The following ANK3 variants were observed in gnomAD, a reference collection of about 807,000 sequenced individuals.
The protein encoded by ANK3 is ankyrin-3.
In ANK3, 57 loss-of-function variants were observed where a neutral mutation model predicts 370.9. That is an observed-to-expected ratio of 0.15 (90% CI 0.12 to 0.19). ANK3 has a LOEUF of 0.19. ANK3 is among the 10% of genes least tolerant of loss of function. The pLI is 1.00. For missense variants in ANK3, 4,439 were observed against 5,302.1 expected, an observed-to-expected ratio of 0.84 and a Z score of 5.06; for synonymous variants, 1,929 against 1,946.3, an observed-to-expected ratio of 0.99 and a Z score of 0.23.
intron 25 of ANK3, among the ~76,000 whole-genome samples, chr10:60,121,378 C>CAAAAAAAAAAAAAAAAGAAAAAAAAAAAA (rs2093459829): frequency 7.4e-6 from 1 of 135,520 alleles, no homozygotes; most frequent in African/African-American, 2.8e-5. Flanking sequence ...TAAAATGCAC[C>CAAAAAAAAAAAAAAAAGAAAAAAAAAAAA]AAAAAAAAAA....
chr10:60,184,819 C>T (rs528921420), intron 17 of ANK3, among the ~76,000 whole-genome samples: 2 of 152,258 alleles, frequency 1.3e-5, no homozygotes, highest in East Asian at 1.9e-4. Flanking sequence ...ATCAAACCTA[C>T]TGGAAATATT....
At chr10:60,367,339 C>T (rs2059526081) in intron 1 of ANK3, among the ~76,000 whole-genome samples, 1 of 152,162 alleles carries the variant, frequency 6.6e-6, no homozygotes, top group Non-Finnish European at 1.5e-5. Flanking sequence ...AGTGGGGGAA[C>T]AGTTTGCTAA....
At chr10:60,163,544 C>T (rs899656058) in intron 23 of ANK3, among the ~76,000 whole-genome samples, 45 of 152,240 alleles carry the variant, frequency 3.0e-4, no homozygotes, top group African/African-American at 8.9e-4. Flanking sequence ...TGAATCCAAA[C>T]ATTCTTTCAC....
At chr10:60,140,706 AAGCCTCT>A (rs756457525) in intron 23 of ANK3, 65 of 1,227,156 alleles carry the variant, frequency 5.3e-5, no homozygotes, top group Non-Finnish European at 6.2e-5. Context: ...CTCCTCTGGC[AAGCCTCT>A]AGCAGGACAG....
At chr10:60,413,663 C>T (rs758029940) in intron 2 of ANK3, among the ~76,000 whole-genome samples, 2 of 152,146 alleles carry the variant, frequency 1.3e-5, no homozygotes, top group African/African-American at 4.8e-5. Context: ...TCGAAATGTT[C>T]TATTCAGAAT....
intron 2 of ANK3, among the ~76,000 whole-genome samples, chr10:60,515,938 T>A (rs948879278): frequency 2.6e-5 from 4 of 152,170 alleles, no homozygotes; most frequent in African/African-American, 9.7e-5. Flanking sequence ...CATTCTCTTA[T>A]AATCCAGAGC....
At chr10:60,220,419 T>A (rs914274792) in intron 8 of ANK3, among the ~76,000 whole-genome samples, 19 of 152,188 alleles carry the variant, frequency 1.2e-4, no homozygotes, top group Admixed American at 1.3e-4. Context: ...GCATGCCTCA[T>A]TCTGCCCTCC....
intron 2 of ANK3, among the ~76,000 whole-genome samples, chr10:60,573,985 A>G (rs946215370): frequency 1.3e-5 from 2 of 152,192 alleles, no homozygotes; most frequent in Non-Finnish European, 2.9e-5. Flanking sequence ...TGGGATTCAA[A>G]TGAATGTAAA....
At chr10:60,639,600 G>A (rs577619511) in intron 1 of ANK3, among the ~76,000 whole-genome samples, 5 of 151,836 alleles carry the variant, frequency 3.3e-5, no homozygotes, top group East Asian at 3.9e-4. Flanking sequence ...GAAGTACACT[G>A]TTGTAAGATT....
At chr10:60,500,730 T>C (rs560279863) in intron 2 of ANK3, among the ~76,000 whole-genome samples, 32 of 152,316 alleles carry the variant, frequency 2.1e-4, no homozygotes, top group African/African-American at 7.7e-4. Flanking sequence ...CGGTGTGATC[T>C]AAGAATCTGC....
intron 1 of ANK3, among the ~76,000 whole-genome samples, chr10:60,713,591 A>G (rs1406891283): frequency 6.6e-6 from 1 of 152,082 alleles, no homozygotes; most frequent in Non-Finnish European, 1.5e-5. Context: ...AAAAGAAGAA[A>G]TAATAAAAAT....
chr10:60,648,794 G>T (rs1425308423), intron 1 of ANK3, among the ~76,000 whole-genome samples: 1 of 123,522 alleles, frequency 8.1e-6, no homozygotes, highest in Non-Finnish European at 1.7e-5. Flanking sequence ...AATTCTTGCT[G>T]GGAGTAGATA....
chr10:60,216,578 C>T (rs2096940568), intron 8 of ANK3, among the ~76,000 whole-genome samples: 2 of 152,196 alleles, frequency 1.3e-5, no homozygotes, highest in South Asian at 2.1e-4. Flanking sequence ...TACTGATTTG[C>T]TTAAGTTGAA....
At chr10:60,658,419 T>G (rs989562824) in intron 1 of ANK3, among the ~76,000 whole-genome samples, 1 of 152,064 alleles carries the variant, frequency 6.6e-6, no homozygotes, top group Non-Finnish European at 1.5e-5. Flanking sequence ...TAGTTGATAC[T>G]GAATTCATCC....
intron 25 of ANK3, among the ~76,000 whole-genome samples, chr10:60,129,580 C>T (rs1034554440): frequency 9.2e-5 from 14 of 152,224 alleles, no homozygotes; most frequent in Admixed American, 4.6e-4. Flanking sequence ...GGCAAAATTC[C>T]GTCTCTACTA....
intron 1 of ANK3, among the ~76,000 whole-genome samples, chr10:60,662,970 T>C (rs1287910747): frequency 6.6e-6 from 1 of 152,186 alleles, no homozygotes; most frequent in Non-Finnish European, 1.5e-5. Context: ...AAGCCTTACA[T>C]AAAGTCCTTC....
chr10:60,523,362 G>A (rs971298500), intron 2 of ANK3, among the ~76,000 whole-genome samples: 14 of 150,994 alleles, frequency 9.3e-5, no homozygotes, highest in African/African-American at 3.4e-4. Context: ...TTAGCATTAG[G>A]TGTATCTCCT....
chr10:60,373,689 T>C (rs137911162), intron 1 of ANK3, among the ~76,000 whole-genome samples: 200 of 152,244 alleles, frequency 1.3e-3, no homozygotes, highest in African/African-American at 4.7e-3. Flanking sequence ...AAGGCTGAGA[T>C]GGTTTTAGAG....
At chr10:60,205,917 C>T (rs1565670419) in intron 10 of ANK3, 27 bp from the exon 11 acceptor site, 1 of 1,409,340 alleles carries the variant, frequency 7.1e-7, no homozygotes. Flanking sequence ...CATATACCTG[C>T]TTGACTACAT....
Sources: gnomAD v4.1 joint callset for allele counts (sites outside exome capture counted in the v4.1 genomes callset) on GRCh38, gnomAD v4.1.1 for gene constraint, MANE v1.5 for transcripts, NCBI Gene and HGNC (gene_info 2026-07-23, HGNC 2026-07-21) for gene names.